Variants in NRDE2 observed in about 807,000 individuals in gnomAD.
The protein encoded by NRDE2 is NRDE-2, necessary for RNA interference, domain containing.
Under a neutral mutation model 124.2 loss-of-function variants are expected in NRDE2, and 76 were observed. The ratio of observed to expected loss-of-function variants is 0.61; its 90% confidence interval spans 0.51 to 0.74. The LOEUF is 0.74. NRDE2 is among the 30% of genes least tolerant of loss of function. The pLI is 0.00. For missense variants in NRDE2, 1,314 were observed against 1,417.3 expected, an observed-to-expected ratio of 0.93 and a Z score of 1.17; for synonymous variants, 489 against 528.1, an observed-to-expected ratio of 0.93 and a Z score of 1.01.
chr14:90,287,214 A>C (rs1279324446), intron 11 of NRDE2, among the ~76,000 whole-genome samples: 1 of 152,142 alleles, frequency 6.6e-6, no homozygotes, highest in African/African-American at 2.4e-5. Flanking sequence ...TATTATTCAA[A>C]GACAATTTTG....
At position 90,271,263 on chromosome 14, in the gene NRDE2, TG is replaced by T. The variant is rs1301529602; in HGVS notation, c.*7072del. Reference sequence around the variant, plus strand: ...ACTTCTGTGCCAGGATTGTGTTTTTTGCCACATCTTGTTTTTGCCACAGTAA... The same window carrying T: ...ACTTCTGTGCCAGGATTGTGTTTTTTCCACATCTTGTTTTTGCCACAGTAA... On this transcript the variant is annotated 3_prime_UTR_variant, in exon 14 of 14. Transcript: ENST00000354366. 1.3e-5 allele frequency: 2 copies of T among 152,354 alleles called. No individual in the cohort carries two copies. Among genetic ancestry groups the T allele is most frequent in the Non-Finnish European group, 1.5e-5 (1 of 68,036 alleles). 9.4% of individuals were successfully genotyped at this position (152,354 alleles called of 1,614,324 possible). A position where few individuals can be genotyped will look rare whatever the true frequency, so the allele number is the denominator to read the frequency against.
At position 90,286,407 on chromosome 14, in the gene NRDE2, T is replaced by C. The variant is rs1409748045; in HGVS notation, c.3244A>G (p.Ser1082Gly). The C allele has an allele frequency of 5.6e-6, 9 of 1,614,088 alleles. No homozygotes were observed. The highest frequency in any genetic ancestry group is 1.3e-5 in the African/African-American group (1 of 74,956). Residue 1082 changes from serine to glycine, a missense_variant, in exon 12 of 14, where the codon AGC becomes GGC. By Grantham distance (56) the Ser-to-Gly change is moderately conservative (BLOSUM62 0). Transcript: ENST00000354366. ...AAGGGGCACTGGCTGCCACTGTCGC[T>C]GCGCATGGCATTTTCAAACAGGGCT... is the stretch of plus-strand genomic sequence containing the variant. ...IQALFENAMR[S>G]DSGSQCPLLW...
intron 5 of NRDE2, 95 bp downstream of exon 5, chr14:90,303,840 T>G (rs997771248): frequency 9.0e-7 from 1 of 1,112,758 alleles, no homozygotes; most frequent in Admixed American, 2.3e-5. Flanking sequence ...GTGTCAAATT[T>G]CCTCATTTGC....
Position 90,290,323 on chromosome 14 carries a change from G to A in NRDE2, c.2127C>T (p.Gly709=), listed in dbSNP as rs769110308. ...GGAAGACATTGCGGATGAACTCCTCGCCCTCTCGGTTCTGACCCCTGGTCC... is the reference window on the plus strand; with the variant it reads ...GGAAGACATTGCGGATGAACTCCTCACCCTCTCGGTTCTGACCCCTGGTCC... ...PRWTRGQNRE[G]EEFIRNVFHL... The change falls in exon 10 of 14, where the codon GGC becomes GGT. Residue 709 remains glycine, a synonymous_variant. Transcript: ENST00000354366. 2.5e-6 allele frequency: 4 copies of A among 1,614,044 alleles called. No individual in the cohort carries two copies. Among genetic ancestry groups the A allele is most frequent in the Non-Finnish European group, 3.4e-6 (4 of 1,180,018 alleles).
At position 90,331,841 on chromosome 14, in the gene NRDE2, C is replaced by T; in HGVS notation, c.64G>A (p.Glu22Lys). 1 of 1,614,118 alleles carries T rather than the reference C, an allele frequency of 6.2e-7. No individual in the cohort carries two copies. Among genetic ancestry groups the T allele is most frequent in the Non-Finnish European group, 8.5e-7 (1 of 1,180,038 alleles). The change falls in exon 1 of 14, where the codon GAG becomes AAG. Residue 22 changes from glutamate (E) to lysine (K), a missense_variant and splice_region_variant. Coordinates refer to ENST00000354366, the MANE Select transcript of NRDE2 (RefSeq NM_017970.4). ...TTCTTCGGCTCGTTTGTGTGCTTAC[C>T]TTTCCTGGAGCTCCCGCCATCGGGA... ...EAPDGGSSRKELDWLSNPSFC... is the reference protein window; with the variant it reads ...EAPDGGSSRKKLDWLSNPSFC...
chr14:90,295,680 G>A (rs1466472748), intron 8 of NRDE2, among the ~76,000 whole-genome samples: 1 of 152,164 alleles, frequency 6.6e-6, no homozygotes, highest in Non-Finnish European at 1.5e-5. Context: ...TTGACTGCAG[G>A]ATGAAATCAA....
rs1455456489 is a variant in NRDE2, at chr14:90,274,819, C to CACACAT, written c.*3516_*3517insATGTGT. Reference sequence around the variant, plus strand: ...ACACACACACACACACACACACACACACACACACACACACACACACCCCAA... The same window carrying CACACAT: ...ACACACACACACACACACACACACACACACATACACACACACACACACACACCCCAA... On this transcript the variant is annotated 3_prime_UTR_variant, in exon 14 of 14. Transcript: ENST00000354366. 1 of 111,096 alleles carries CACACAT rather than the reference C, an allele frequency of 9.0e-6. No homozygotes were observed. The highest frequency in any genetic ancestry group is 1.9e-5 in the Non-Finnish European group (1 of 53,762). The allele number at this position is 111,096 out of a possible 1,614,324, so 6.9% of individuals were successfully genotyped here. A position where few individuals can be genotyped will look rare whatever the true frequency, so the allele number is the denominator to read the frequency against.
chr14:90,331,624 T>C (rs1033004081), intron 1 of NRDE2, among the ~76,000 whole-genome samples: 3 of 152,150 alleles, frequency 2.0e-5, no homozygotes, highest in Non-Finnish European at 4.4e-5. Context: ...TGCTGGTCTT[T>C]CTCCACCCCT....
intron 8 of NRDE2, among the ~76,000 whole-genome samples, chr14:90,293,505 C>T (rs1297917573): frequency 6.6e-6 from 1 of 152,202 alleles, no homozygotes; most frequent in Non-Finnish European, 1.5e-5. Context: ...CTGCCTTGGC[C>T]TCCCAAAGTG....
chr14:90,327,423 C>G (rs766389124), intron 1 of NRDE2, among the ~76,000 whole-genome samples: 12 of 152,204 alleles, frequency 7.9e-5, no homozygotes, highest in Non-Finnish European at 1.5e-4. Flanking sequence ...GTGGTGCACA[C>G]TAGCAGTCCT....
At chr14:90,327,915 G>A (rs943211115) in intron 1 of NRDE2, among the ~76,000 whole-genome samples, 10 of 152,060 alleles carry the variant, frequency 6.6e-5, no homozygotes, top group Admixed American at 2.6e-4. Flanking sequence ...AGGCAGAGGC[G>A]GGCGGATCAT....
intron 1 of NRDE2, among the ~76,000 whole-genome samples, chr14:90,330,856 T>C (rs1885664808): frequency 6.6e-6 from 1 of 151,540 alleles, no homozygotes; most frequent in Non-Finnish European, 1.5e-5. Context: ...GTGTAGGAAC[T>C]ATATTAGAGG....
At position 90,304,110 on chromosome 14, in the gene NRDE2, T is replaced by A; in HGVS notation, c.830A>T (p.Gln277Leu). The change falls in exon 5 of 14, where the codon CAG becomes CTG. Residue 277 changes from glutamine (Q) to leucine (L), a missense_variant. Coordinates refer to ENST00000354366, the MANE Select transcript of NRDE2 (RefSeq NM_017970.4). Reference protein sequence around the residue: ...TWLNPLGIYDQSTTHWLQGQG... With the variant: ...TWLNPLGIYDLSTTHWLQGQG... ...TCCTTGTAGCCAATGTGTGGTTGAC[T>A]GATCATAAATCCCCAGAGGATTCAA... 1 of 1,614,194 alleles carries A rather than the reference T, an allele frequency of 6.2e-7. No individual in the cohort carries two copies. Among genetic ancestry groups the A allele is most frequent in the Non-Finnish European group, 8.5e-7 (1 of 1,180,026 alleles).
At chr14:90,284,241 T>C (rs1892036784) in intron 12 of NRDE2, among the ~76,000 whole-genome samples, 1 of 152,090 alleles carries the variant, frequency 6.6e-6, no homozygotes, top group South Asian at 2.1e-4. Flanking sequence ...CTCTTTACAC[T>C]CCAGTTTTGT....
chr14:90,285,419 A>G (rs1892076915), intron 12 of NRDE2, among the ~76,000 whole-genome samples: 1 of 139,632 alleles, frequency 7.2e-6, no homozygotes, highest in Non-Finnish European at 1.5e-5. Flanking sequence ...CTCCTGCCTT[A>G]GCCTCCCAGG....
chr14:90,268,075 G>GA lies in NRDE2; in HGVS notation c.*10260dup, dbSNP rs1891564170. Reference sequence around the variant, plus strand: ...GTCCTCTTATCTACTTAGGAGAATGGAATGTCGTGACACTTGAATTGGTGC... The same window carrying GA: ...GTCCTCTTATCTACTTAGGAGAATGGAAATGTCGTGACACTTGAATTGGTGC... On this transcript the variant is annotated 3_prime_UTR_variant, in exon 14 of 14. Transcript: ENST00000354366. 1.7e-6 allele frequency: 1 copy of GA among 601,168 alleles called. No individual in the cohort carries two copies. Among genetic ancestry groups the GA allele is most frequent in the Non-Finnish European group, 2.9e-6 (1 of 349,618 alleles). 37.2% of individuals were successfully genotyped at this position (601,168 alleles called of 1,614,324 possible). A position where few individuals can be genotyped will look rare whatever the true frequency, so the allele number is the denominator to read the frequency against.
chr14:90,316,069 T>C (rs780515579), intron 3 of NRDE2, among the ~76,000 whole-genome samples: 2 of 150,598 alleles, frequency 1.3e-5, no homozygotes, highest in Non-Finnish European at 1.5e-5. Flanking sequence ...GCCTTCGACA[T>C]AGTGGTCTTA....
In NRDE2 at chr14:90,275,951, T is replaced by C. The variant is rs11623293; in HGVS notation, c.*2385A>G. 144,566 of 152,450 alleles carry C rather than the reference T, an allele frequency of 0.95. 68,959 individuals are homozygous for C. Among genetic ancestry groups the C allele is most frequent in the East Asian group, 1 (5,160 of 5,162 alleles). The allele number at this position is 152,450 out of a possible 1,614,324, so 9.4% of individuals were successfully genotyped here. On this transcript the variant is annotated 3_prime_UTR_variant, in exon 14 of 14. Transcript: ENST00000354366. ...AGCACAGAGGTGCCTCCTGGCCTCC[T>C]GCAGGCCCAGCAATCCTGTGCCAGA...
chr14:90,277,207 T>TG lies in NRDE2; in HGVS notation c.*1128dup, dbSNP rs1322799083. ...GGCTGGCCAGTTTCCCACCGTGCCC[T>TG]GGGAGGTGCTCTCGTGCGCTGCCCT... On this transcript the variant is annotated 3_prime_UTR_variant, in exon 14 of 14. Transcript: ENST00000354366. 2.0e-5 allele frequency: 3 copies of TG among 152,264 alleles called. No individual in the cohort carries two copies. 9.4% of individuals were successfully genotyped at this position (152,264 alleles called of 1,614,324 possible).
Sources: gnomAD v4.1 joint callset for allele counts (sites outside exome capture counted in the v4.1 genomes callset) on GRCh38, gnomAD v4.1.1 for gene constraint, MANE v1.5 for transcripts, NCBI Gene and HGNC (gene_info 2026-07-23, HGNC 2026-07-21) for gene names.